Variants in PLGRKT observed in about 807,000 individuals in gnomAD.
The protein encoded by PLGRKT is plasminogen receptor (KT).
Under a neutral mutation model 18.5 loss-of-function variants are expected in PLGRKT, and 22 were observed. That is an observed-to-expected ratio of 1.19 (90% confidence interval 0.85 to 1.70). PLGRKT has a LOEUF of 1.70. PLGRKT is among the 40% of genes most tolerant of loss of function. PLGRKT has a pLI of 0.00. For missense variants in PLGRKT, 235 were observed against 174.4 expected (o/e 1.35, Z -1.96); for synonymous variants, 72 against 52.8 (o/e 1.36, Z -1.58).
chr9:5,426,264 C>T (rs1023129517), intron 3 of PLGRKT, among the ~76,000 whole-genome samples: 4 of 152,052 alleles, frequency 2.6e-5, no homozygotes, highest in African/African-American at 4.8e-5. Context: ...GTGGGAGATT[C>T]GCTGGTGTTC....
chr9:5,376,246 G>A (rs1050753854), intron 3 of PLGRKT, among the ~76,000 whole-genome samples: 11 of 152,086 alleles, frequency 7.2e-5, no homozygotes, highest in Admixed American at 3.9e-4. Flanking sequence ...ATTTGGTTAC[G>A]ATGGAAATGT....
chr9:5,401,185 G>A (rs1818146974), intron 3 of PLGRKT, among the ~76,000 whole-genome samples: 2 of 151,560 alleles, frequency 1.3e-5, no homozygotes, highest in African/African-American at 2.4e-5. Context: ...CCATTACCCA[G>A]TCTACACAAG....
intron 2 of PLGRKT, among the ~76,000 whole-genome samples, chr9:5,433,680 C>T (rs1415236234): frequency 1.5e-5 from 2 of 136,436 alleles, no homozygotes; most frequent in African/African-American, 2.9e-5. Context: ...TGCCTCTGCC[C>T]GGCTGCCCCG....
intron 3 of PLGRKT, among the ~76,000 whole-genome samples, chr9:5,402,806 G>A (rs1319126472): frequency 1.3e-5 from 2 of 151,940 alleles, no homozygotes; most frequent in Non-Finnish European, 2.9e-5. Context: ...AAGTAGGACA[G>A]CAAAATTAAG....
chr9:5,423,016 C>CA (rs1818607288), intron 3 of PLGRKT, among the ~76,000 whole-genome samples: 1 of 152,124 alleles, frequency 6.6e-6, no homozygotes, highest in African/African-American at 2.4e-5. Flanking sequence ...TATCATCATG[C>CA]ATATATAATT....
intron 3 of PLGRKT, among the ~76,000 whole-genome samples, chr9:5,431,604 C>A (rs574279247): frequency 6.7e-6 from 1 of 149,518 alleles, no homozygotes; most frequent in African/African-American, 2.4e-5. Flanking sequence ...CCAGGATAAT[C>A]TCCCCATCTC....
At chr9:5,359,570 CTCA>C in intron 5 of PLGRKT, among the ~76,000 whole-genome samples, 1 of 152,094 alleles carries the variant, frequency 6.6e-6, no homozygotes, top group Non-Finnish European at 1.5e-5. Flanking sequence ...TTGGTAAATT[CTCA>C]TCATGTGTTA....
chr9:5,396,862 C>A (rs1818059712), intron 3 of PLGRKT, among the ~76,000 whole-genome samples: 1 of 151,910 alleles, frequency 6.6e-6, no homozygotes, highest in Non-Finnish European at 1.5e-5. Flanking sequence ...AAGACTGGAA[C>A]AATTTATCTC....
chr9:5,434,297 C>A (rs529793546), intron 2 of PLGRKT, among the ~76,000 whole-genome samples: 5 of 142,616 alleles, frequency 3.5e-5, no homozygotes, highest in African/African-American at 1.3e-4. Flanking sequence ...TCTGCCCGGC[C>A]GCCCCGTCTG....
chr9:5,392,967 G>A (rs956850617), intron 3 of PLGRKT, among the ~76,000 whole-genome samples: 3 of 151,286 alleles, frequency 2.0e-5, no homozygotes, highest in African/African-American at 4.9e-5. Context: ...TCAGCCTCCC[G>A]AGTAGCTGTG....
At chr9:5,431,691 G>T (rs1379701985) in intron 3 of PLGRKT, among the ~76,000 whole-genome samples, 1 of 152,072 alleles carries the variant, frequency 6.6e-6, no homozygotes, top group African/African-American at 2.4e-5. Context: ...CTACAGAATG[G>T]AAATTTTTAC....
chr9:5,436,376 C>A (rs1019902318), intron 2 of PLGRKT, among the ~76,000 whole-genome samples, 193 bp downstream of exon 2: 1 of 152,182 alleles, frequency 6.6e-6, no homozygotes, highest in Admixed American at 6.5e-5. Flanking sequence ...AATTTTTACA[C>A]CTGCTGCAAA....
chr9:5,410,783 A>T (rs1035403335), intron 3 of PLGRKT, among the ~76,000 whole-genome samples: 9 of 152,202 alleles, frequency 5.9e-5, no homozygotes, highest in Non-Finnish European at 1.0e-4. Flanking sequence ...TACCACAGAG[A>T]AAGATTAGAA....
At chr9:5,388,574 T>C (rs747775555) in intron 3 of PLGRKT, among the ~76,000 whole-genome samples, 1 of 152,054 alleles carries the variant, frequency 6.6e-6, no homozygotes, top group African/African-American at 2.4e-5. Context: ...CCTTGAGGTT[T>C]TGACTTAAAA....
At chr9:5,364,356 G>C (rs1817335955) in intron 3 of PLGRKT, among the ~76,000 whole-genome samples, 1 of 152,122 alleles carries the variant, frequency 6.6e-6, no homozygotes, top group Non-Finnish European at 1.5e-5. Flanking sequence ...GATTACCTGG[G>C]AACTCTCAAA....
chr9:5,366,312 G>A (rs1040662449), intron 3 of PLGRKT, among the ~76,000 whole-genome samples: 4 of 152,122 alleles, frequency 2.6e-5, no homozygotes, highest in Non-Finnish European at 5.9e-5. Flanking sequence ...CAGAACATGT[G>A]CAGCAAGTTC....
chr9:5,386,992 G>C (rs1194772755), intron 3 of PLGRKT, among the ~76,000 whole-genome samples: 1 of 151,830 alleles, frequency 6.6e-6, no homozygotes, highest in Non-Finnish European at 1.5e-5. Flanking sequence ...CAGAAGACAA[G>C]GTTGGATGGG....
rs191485176 is a variant in PLGRKT, at chr9:5,375,302, T to C, written c.82-13414A>G. 1.6e-3 allele frequency among the ~76,000 whole-genome samples: 238 copies of C among 152,272 alleles called. 1 individual carries two copies. Among genetic ancestry groups the C allele is most frequent in the Admixed American group, 2.4e-3 (36 of 15,288 alleles). On this transcript the variant is annotated intron_variant, in intron 3 of 5. Coordinates refer to ENST00000223864, the MANE Select transcript of PLGRKT (RefSeq NM_018465.4). Reference sequence around the variant, plus strand: ...TGTTGAAAACAATAGTGGTTCATTATGGGCCCCAGGTATGTGTGGGGGAGG... The same window carrying C: ...TGTTGAAAACAATAGTGGTTCATTACGGGCCCCAGGTATGTGTGGGGGAGG...
intron 3 of PLGRKT, among the ~76,000 whole-genome samples, chr9:5,382,322 G>A (rs1817762584): frequency 6.6e-6 from 1 of 152,228 alleles, no homozygotes; most frequent in South Asian, 2.1e-4. Context: ...CATTATGAAA[G>A]TGCATGGCAG....
Sources: allele counts gnomAD v4.1 joint callset (sites outside exome capture counted in the v4.1 genomes callset), GRCh38; gene constraint gnomAD v4.1.1; transcripts MANE v1.5; gene names NCBI Gene and HGNC (gene_info 2026-07-23, HGNC 2026-07-21).